Variants in PRKN observed in about 807,000 individuals in gnomAD.
The protein encoded by PRKN is E3 ubiquitin-protein ligase parkin.
PRKN carries 56 observed loss-of-function variants against 59.5 expected under a neutral mutation model. That is an observed-to-expected ratio of 0.94 (90% CI 0.76 to 1.18). The LOEUF (loss-of-function observed/expected upper bound fraction) is 1.18. Among genes scored for constraint, PRKN ranks in the 50% most tolerant of loss-of-function variants. The pLI, the probability that PRKN is intolerant of heterozygous loss-of-function variation, is 0.00. For missense variants in PRKN, 657 were observed against 596.4 expected, an observed-to-expected ratio of 1.10 and a Z score of -1.06; for synonymous variants, 250 against 222.1, an observed-to-expected ratio of 1.13 and a Z score of -1.12.
chr6:162,247,678 T>G (rs970241767), intron 3 of PRKN, among the ~76,000 whole-genome samples: 3 of 152,160 alleles, frequency 2.0e-5, no homozygotes, highest in Non-Finnish European at 4.4e-5. Flanking sequence ...TTCCCTTTTG[T>G]GTGATATGAC....
chr6:162,175,368 C>T (rs896900387), intron 4 of PRKN, among the ~76,000 whole-genome samples: 4 of 152,080 alleles, frequency 2.6e-5, no homozygotes, highest in African/African-American at 9.7e-5. Flanking sequence ...TATTATATTC[C>T]CAGCACCACC....
At chr6:162,395,096 A>G (rs1269836840) in intron 2 of PRKN, among the ~76,000 whole-genome samples, 3 of 152,216 alleles carry the variant, frequency 2.0e-5, no homozygotes, top group Non-Finnish European at 4.4e-5. Flanking sequence ...TTATTAATAT[A>G]AAAAGAGATA....
chr6:162,254,472 G>A (rs933770621), intron 3 of PRKN, among the ~76,000 whole-genome samples: 2 of 151,218 alleles, frequency 1.3e-5, no homozygotes, highest in Non-Finnish European at 1.5e-5. Flanking sequence ...AAAAAAAAAG[G>A]AAATATCCAA....
chr6:162,053,275 C>A (rs1350706263), intron 5 of PRKN, among the ~76,000 whole-genome samples: 1 of 152,182 alleles, frequency 6.6e-6, no homozygotes, highest in Non-Finnish European at 1.5e-5. Flanking sequence ...TGTTGACAGA[C>A]TCTGTTCCTG....
At chr6:161,772,525 T>C (rs6923728) in intron 7 of PRKN, among the ~76,000 whole-genome samples, 55,770 of 152,028 alleles carry the variant, frequency 0.37, 10,314 homozygotes, top group South Asian at 0.48. Flanking sequence ...TCTGAAGCAG[T>C]TGAGGACGTT....
intron 1 of PRKN, among the ~76,000 whole-genome samples, chr6:162,686,274 C>T (rs2128234010): frequency 6.6e-6 from 1 of 152,216 alleles, no homozygotes; most frequent in East Asian, 1.9e-4. Context: ...CCCTATGGTG[C>T]CCAGCTGGCT....
rs991580419 is a variant in PRKN, at chr6:161,446,445, C to A, written c.1084-59568G>T. On this transcript the variant is annotated intron_variant, in intron 9 of 11. Transcript: ENST00000366898. This position sits in a 1 kb window ranked among gnomAD's most constrained non-coding sequence, Gnocchi z 6.2. ...GCTGTGGGAGGGGAAAGGCCCTCCCCGCTACCAGATGCAGACTCTGGTGCC... is the reference window on the plus strand; with the variant it reads ...GCTGTGGGAGGGGAAAGGCCCTCCCAGCTACCAGATGCAGACTCTGGTGCC... Among the ~76,000 whole-genome samples the A allele has an allele frequency of 4.6e-5, 7 of 152,042 alleles. No homozygotes were observed. Among genetic ancestry groups the A allele is most frequent in the South Asian group, 2.1e-4 (1 of 4,820 alleles).
intron 6 of PRKN, among the ~76,000 whole-genome samples, chr6:161,891,040 A>G (rs1354091296): frequency 6.6e-6 from 1 of 152,252 alleles, no homozygotes; most frequent in East Asian, 1.9e-4. Context: ...AAAGCGGGAA[A>G]TAACAACAAT....
intron 7 of PRKN, among the ~76,000 whole-genome samples, chr6:161,695,650 T>G (rs187329881): frequency 6.6e-6 from 1 of 152,320 alleles, no homozygotes; most frequent in Admixed American, 6.5e-5. Context: ...CAAGGACATC[T>G]TTGTAGAGCA....
At chr6:162,704,687 CA>C in intron 1 of PRKN, among the ~76,000 whole-genome samples, 1 of 151,858 alleles carries the variant, frequency 6.6e-6, no homozygotes, top group Non-Finnish European at 1.5e-5. Flanking sequence ...ATTAAAAAAC[CA>C]AGTCTTCATT....
At chr6:162,223,730 A>T (rs1327174154) in intron 3 of PRKN, among the ~76,000 whole-genome samples, 2 of 151,178 alleles carry the variant, frequency 1.3e-5, no homozygotes, top group African/African-American at 4.9e-5. Context: ...CTACCTTTGT[A>T]TCTCTTTCTT....
At chr6:161,651,923 C>G (rs564161248) in intron 7 of PRKN, among the ~76,000 whole-genome samples, 85 of 152,320 alleles carry the variant, frequency 5.6e-4, no homozygotes, top group African/African-American at 1.9e-3. Flanking sequence ...CAACAGTCAT[C>G]TGTGTTATAC....
At chr6:162,386,075 T>C (rs17529104) in intron 2 of PRKN, among the ~76,000 whole-genome samples, 12,244 of 152,186 alleles carry the variant, frequency 0.08, 556 homozygotes, top group South Asian at 0.12. Flanking sequence ...GCAGGATACA[T>C]ATAAATATAG....
chr6:161,508,221 T>A (rs1240369574), intron 9 of PRKN, among the ~76,000 whole-genome samples: 1 of 152,202 alleles, frequency 6.6e-6, no homozygotes, highest in Non-Finnish European at 1.5e-5. Context: ...GTACTTTAGT[T>A]TCTGATGGTT....
intron 8 of PRKN, among the ~76,000 whole-genome samples, chr6:161,557,719 G>T (rs866891822): frequency 6.6e-6 from 1 of 152,188 alleles, no homozygotes; most frequent in Non-Finnish European, 1.5e-5. Flanking sequence ...ACAGGGATCC[G>T]AGGTAAAACT....
intron 7 of PRKN, among the ~76,000 whole-genome samples, chr6:161,637,347 T>C (rs7763172): frequency 0.024 from 3,724 of 152,066 alleles, 152 homozygotes; most frequent in African/African-American, 0.086. Flanking sequence ...ATAAATGTCA[T>C]ATGGCTGCCA....
intron 5 of PRKN, among the ~76,000 whole-genome samples, chr6:162,052,746 T>C (rs1427050223): frequency 6.6e-6 from 1 of 152,080 alleles, no homozygotes; most frequent in Non-Finnish European, 1.5e-5. Context: ...TGTATATATG[T>C]ATACCATATA....
intron 1 of PRKN, among the ~76,000 whole-genome samples, chr6:162,495,087 A>G (rs1340381661): frequency 6.6e-6 from 1 of 152,228 alleles, no homozygotes; most frequent in Non-Finnish European, 1.5e-5. Context: ...GTTAATCGAG[A>G]GACATCATAC....
chr6:161,506,846 C>T (rs957847777), intron 9 of PRKN, among the ~76,000 whole-genome samples: 17 of 152,300 alleles, frequency 1.1e-4, no homozygotes, highest in African/African-American at 4.1e-4. Flanking sequence ...GTCTGCAGTA[C>T]CAAAAAGTCA....
Sources: allele counts gnomAD v4.1 joint callset (sites outside exome capture counted in the v4.1 genomes callset), GRCh38; gene constraint gnomAD v4.1.1; non-coding constraint Gnocchi (gnomAD v3.1); transcripts MANE v1.5; gene names NCBI Gene and HGNC (gene_info 2026-07-23, HGNC 2026-07-21).